Variants in ST6GALNAC3 observed in about 807,000 individuals in gnomAD.
The protein encoded by ST6GALNAC3 is ST6 N-acetylgalactosaminide alpha-2,6-sialyltransferase 3.
Under a neutral mutation model 32.7 loss-of-function variants are expected in ST6GALNAC3, and 25 were observed. That is an observed-to-expected ratio of 0.76 (90% confidence interval 0.56 to 1.07). ST6GALNAC3 has a LOEUF of 1.07. Among genes scored for constraint, ST6GALNAC3 ranks in the 50% least tolerant of loss-of-function variants. The pLI, the probability that ST6GALNAC3 is intolerant of heterozygous loss-of-function variation, is 0.00. For synonymous variants in ST6GALNAC3, 129 were observed against 133.1 expected (o/e 0.97, Z 0.21); for missense variants, 355 against 382.4 (o/e 0.93, Z 0.60).
At chr1:76,091,162 C>G (rs949834498) in intron 1 of ST6GALNAC3, among the ~76,000 whole-genome samples, 1 of 152,210 alleles carries the variant, frequency 6.6e-6, no homozygotes, top group Non-Finnish European at 1.5e-5. Flanking sequence ...CTGTTGTGAC[C>G]ATGCTTCAGT....
At position 76,239,772 on chromosome 1, in the gene ST6GALNAC3, C is replaced by T. The variant is rs1010103365; in HGVS notation, c.19-74033C>T. 3.9e-5 allele frequency among the ~76,000 whole-genome samples: 6 copies of T among 152,278 alleles called. 1 individual carries two copies. The South Asian group carries it at 6.2e-4, about 16-fold the overall frequency. On this transcript the variant is annotated intron_variant, in intron 1 of 4. Transcript: ENST00000328299. ...ACATCCAAACTATATCAGAGGAGCA[C>T]TGAATTATATGGTACGGAAACATCA... is the stretch of plus-strand genomic sequence containing the variant.
At chr1:76,161,796 T>A (rs1384725135) in intron 1 of ST6GALNAC3, among the ~76,000 whole-genome samples, 1 of 152,252 alleles carries the variant, frequency 6.6e-6, no homozygotes, top group African/African-American at 2.4e-5. Flanking sequence ...ACAGGGTCTG[T>A]ACATACACCA....
At chr1:76,507,906 G>T (rs1661577189) in intron 3 of ST6GALNAC3, among the ~76,000 whole-genome samples, 1 of 152,120 alleles carries the variant, frequency 6.6e-6, no homozygotes, top group South Asian at 2.1e-4. Context: ...AGTGTACAAG[G>T]GTTCCAATTT....
Position 76,489,219 on chromosome 1 carries a change from A to C in ST6GALNAC3, c.623+76802A>C, listed in dbSNP as rs143959499. Among the ~76,000 whole-genome samples the C allele has an allele frequency of 7.3e-3, 1,112 of 152,206 alleles. 7 individuals are homozygous for C. The highest frequency in any genetic ancestry group is 9.8e-3 in the Non-Finnish European group (667 of 68,008). ...CAGGTATTTGAGTACTATTACTATT[A>C]ATTGTTATGGTAATATTGAACTTAT... On this transcript the variant is annotated intron_variant, in intron 3 of 4. Coordinates refer to ENST00000328299, the MANE Select transcript of ST6GALNAC3 (RefSeq NM_152996.4).
intron 3 of ST6GALNAC3, among the ~76,000 whole-genome samples, chr1:76,583,088 G>T (rs185287325): frequency 3.3e-5 from 5 of 152,236 alleles, no homozygotes; most frequent in African/African-American, 1.2e-4. Context: ...CATACTCTGA[G>T]CCAATGAGAG....
chr1:76,166,872 A>T (rs561346305), intron 1 of ST6GALNAC3, among the ~76,000 whole-genome samples: 1 of 152,256 alleles, frequency 6.6e-6, no homozygotes, highest in South Asian at 2.1e-4. Context: ...GACTTTGCTG[A>T]AGTTGTTTAT....
At chr1:76,207,832 A>G (rs192075197) in intron 1 of ST6GALNAC3, among the ~76,000 whole-genome samples, 1 of 152,364 alleles carries the variant, frequency 6.6e-6, no homozygotes, top group East Asian at 1.9e-4. Flanking sequence ...TCTCTTCAGT[A>G]TTGATTCCCA....
chr1:76,494,649 G>T (rs866474140), intron 3 of ST6GALNAC3, among the ~76,000 whole-genome samples: 1 of 67,722 alleles, frequency 1.5e-5, no homozygotes, highest in Non-Finnish European at 2.7e-5. Context: ...ATGTGTATGC[G>T]CACACACACA....
chr1:76,357,130 C>CTTTCTTTTTTTTTTT (rs1165946045), intron 2 of ST6GALNAC3, among the ~76,000 whole-genome samples: 1 of 111,176 alleles, frequency 9.0e-6, no homozygotes, highest in African/African-American at 3.4e-5. Flanking sequence ...TTTTCTTTTT[C>CTTTCTTTTTTTTTTT]TTTTTTTTTT....
intron 3 of ST6GALNAC3, among the ~76,000 whole-genome samples, chr1:76,542,563 T>C (rs1664054366): frequency 6.6e-6 from 1 of 152,174 alleles, no homozygotes; most frequent in South Asian, 2.1e-4. Context: ...TTTTCAGATA[T>C]GCACACACAC....
intron 1 of ST6GALNAC3, among the ~76,000 whole-genome samples, chr1:76,306,684 GGC>G (rs143976693): frequency 0.47 from 69,914 of 148,510 alleles, 16,875 homozygotes; most frequent in East Asian, 0.62. Context: ...TTTTTTGGGG[GGC>G]GGGGGGTGCA....
chr1:76,396,032 T>A (rs1652929640), intron 2 of ST6GALNAC3, among the ~76,000 whole-genome samples: 1 of 152,216 alleles, frequency 6.6e-6, no homozygotes, highest in Admixed American at 6.5e-5. Context: ...AATACTAACT[T>A]GGTCATTCCA....
chr1:76,586,667 A>G (rs1350694144), intron 3 of ST6GALNAC3, among the ~76,000 whole-genome samples: 1 of 152,128 alleles, frequency 6.6e-6, no homozygotes, highest in African/African-American at 2.4e-5. Context: ...AGGCATTTTA[A>G]TTTTTCTCCC....
chr1:76,550,341 A>G (rs994728256), intron 3 of ST6GALNAC3, among the ~76,000 whole-genome samples: 11 of 152,214 alleles, frequency 7.2e-5, no homozygotes, highest in African/African-American at 2.7e-4. Flanking sequence ...GTTATATAAT[A>G]TAATGGGCTC....
At chr1:76,124,127 A>AG in intron 1 of ST6GALNAC3, among the ~76,000 whole-genome samples, 1 of 152,086 alleles carries the variant, frequency 6.6e-6, no homozygotes, top group East Asian at 1.9e-4. Flanking sequence ...TGAAAAGAAA[A>AG]GAAAAGGGGC....
chr1:76,251,486 C>T (rs1657613058), intron 1 of ST6GALNAC3, among the ~76,000 whole-genome samples: 1 of 152,120 alleles, frequency 6.6e-6, no homozygotes, highest in Non-Finnish European at 1.5e-5. Flanking sequence ...AGCCTTGTCT[C>T]ACATAGCACT....
intron 3 of ST6GALNAC3, among the ~76,000 whole-genome samples, chr1:76,588,078 G>A (rs1055514816): frequency 6.6e-6 from 1 of 152,096 alleles, no homozygotes; most frequent in Admixed American, 6.5e-5. Context: ...GTCTGCTCCT[G>A]ACCAGACCAG....
chr1:76,475,991 T>C (rs983606392), intron 3 of ST6GALNAC3, among the ~76,000 whole-genome samples: 1 of 152,192 alleles, frequency 6.6e-6, no homozygotes. Flanking sequence ...AGAATGACGA[T>C]TTCCAGCTTC....
intron 1 of ST6GALNAC3, among the ~76,000 whole-genome samples, chr1:76,168,899 C>T (rs1652298615): frequency 6.6e-6 from 1 of 152,078 alleles, no homozygotes; most frequent in South Asian, 2.1e-4. Context: ...TCTTGGTTTT[C>T]TAATCCAGCT....
Sources: allele counts gnomAD v4.1 joint callset (sites outside exome capture counted in the v4.1 genomes callset), GRCh38; gene constraint gnomAD v4.1.1; transcripts MANE v1.5; gene names NCBI Gene and HGNC (gene_info 2026-07-23, HGNC 2026-07-21).